Variants in IMMP2L observed in about 807,000 individuals in gnomAD.
The protein encoded by IMMP2L is inner mitochondrial membrane peptidase subunit 2, also known as mitochondrial inner membrane protease subunit 2.
In IMMP2L, 18 loss-of-function variants were observed where a neutral mutation model predicts 19.3. That is an observed-to-expected ratio of 0.93 (90% CI 0.64 to 1.38). IMMP2L has a LOEUF of 1.38. IMMP2L is among the 40% of genes most tolerant of loss of function. IMMP2L has a pLI of 0.00. For missense variants in IMMP2L, 233 were observed against 218.2 expected (o/e 1.07, Z -0.43); for synonymous variants, 76 against 73.0 (o/e 1.04, Z -0.21).
chr7:111,389,951 C>T (rs1832172947), intron 3 of IMMP2L, among the ~76,000 whole-genome samples: 1 of 152,104 alleles, frequency 6.6e-6, no homozygotes, highest in Non-Finnish European at 1.5e-5. Context: ...TTAATTCTCA[C>T]AGAATACTTG....
chr7:111,419,575 T>C (rs890666051), intron 3 of IMMP2L, among the ~76,000 whole-genome samples: 1 of 151,814 alleles, frequency 6.6e-6, no homozygotes, highest in Non-Finnish European at 1.5e-5. Flanking sequence ...TTGTCTCTTA[T>C]CTACCTATGA....
chr7:110,864,153 A>C (rs540972165), intron 5 of IMMP2L, among the ~76,000 whole-genome samples: 1 of 152,268 alleles, frequency 6.6e-6, no homozygotes, highest in Admixed American at 6.5e-5. Context: ...AAAAGTTTCT[A>C]ATGTCTTGCA....
intron 3 of IMMP2L, among the ~76,000 whole-genome samples, chr7:111,111,599 A>C (rs966950549): frequency 2.6e-5 from 4 of 152,100 alleles, no homozygotes; most frequent in African/African-American, 7.2e-5. Context: ...TTATAAACAC[A>C]TTAAAGTAGA....
intron 1 of IMMP2L, among the ~76,000 whole-genome samples, chr7:111,539,896 G>A (rs947607596): frequency 6.6e-6 from 1 of 152,104 alleles, no homozygotes; most frequent in Non-Finnish European, 1.5e-5. Flanking sequence ...TATCCAGGTA[G>A]AGGGAAAACA....
chr7:110,814,668 T>C (rs1234353899), intron 5 of IMMP2L, among the ~76,000 whole-genome samples: 1 of 149,158 alleles, frequency 6.7e-6, no homozygotes, highest in Non-Finnish European at 1.5e-5. Context: ...AGAGTAGAAT[T>C]CTTTTTCAAC....
In IMMP2L at chr7:111,080,085, G is replaced by C. The variant is rs113951426; in HGVS notation, c.240-116520C>G. On this transcript the variant is annotated intron_variant, in intron 3 of 5. Coordinates refer to ENST00000405709, the MANE Select transcript of IMMP2L (RefSeq NM_032549.4). ...GTATTCTGTTACAGCAACAGAAAAT[G>C]GACTAAGACACAATTCCTTTGTTCT... 1.8e-3 allele frequency among the ~76,000 whole-genome samples: 275 copies of C among 152,090 alleles called. 2 individuals carry two copies. The highest frequency in any genetic ancestry group is 6.3e-3 in the African/African-American group (262 of 41,530).
At chr7:111,469,830 T>C (rs1337621523) in intron 3 of IMMP2L, among the ~76,000 whole-genome samples, 1 of 152,046 alleles carries the variant, frequency 6.6e-6, no homozygotes, top group East Asian at 1.9e-4. Flanking sequence ...ACTTCATGTC[T>C]AAAACACCAA....
At chr7:111,241,890 A>C (rs918799017) in intron 3 of IMMP2L, among the ~76,000 whole-genome samples, 1 of 152,120 alleles carries the variant, frequency 6.6e-6, no homozygotes, top group Admixed American at 6.6e-5. Context: ...AGATATTTGC[A>C]GGTATTGCTA....
chr7:111,211,488 T>G (rs2099672558), intron 3 of IMMP2L, among the ~76,000 whole-genome samples: 1 of 152,146 alleles, frequency 6.6e-6, no homozygotes, highest in South Asian at 2.1e-4. Context: ...AAAACATTGT[T>G]GAATATCAAA....
intron 2 of IMMP2L, among the ~76,000 whole-genome samples, chr7:111,496,646 A>G (rs1247522091): frequency 6.6e-6 from 1 of 152,126 alleles, no homozygotes; most frequent in African/African-American, 2.4e-5. Flanking sequence ...TTCTCTTTCC[A>G]TTGCAAATCT....
At chr7:111,264,535 C>A (rs556815937) in intron 3 of IMMP2L, among the ~76,000 whole-genome samples, 4 of 151,732 alleles carry the variant, frequency 2.6e-5, no homozygotes, top group Non-Finnish European at 5.9e-5. Context: ...TTTCGCCCAA[C>A]AGGAATCAAA....
intron 3 of IMMP2L, among the ~76,000 whole-genome samples, chr7:111,450,873 A>G (rs1016991046): frequency 6.6e-6 from 1 of 150,952 alleles, no homozygotes; most frequent in African/African-American, 2.4e-5. Flanking sequence ...GAAAAAAACA[A>G]ACAACCCCAT....
In IMMP2L at chr7:111,024,232, T is replaced by C. The variant is rs139300500; in HGVS notation, c.240-60667A>G. Among the ~76,000 whole-genome samples, 351 of 152,346 alleles carry C rather than the reference T, an allele frequency of 2.3e-3. 1 individual carries two copies. Among genetic ancestry groups the C allele is most frequent in the Admixed American group, 5.5e-3 (84 of 15,302 alleles). On this transcript the variant is annotated intron_variant, in intron 3 of 5. Transcript: ENST00000405709. ...TATAATATGAAATAAATAGCATATA[T>C]TTAAAGTGTACAACTGGATAAGTTT...
intron 3 of IMMP2L, among the ~76,000 whole-genome samples, chr7:111,461,894 A>T (rs1840167475): frequency 6.6e-6 from 1 of 152,014 alleles, no homozygotes; most frequent in Non-Finnish European, 1.5e-5. Flanking sequence ...TCATGGAAAA[A>T]AATAATTTGC....
chr7:110,957,664 C>T (rs7805064), intron 4 of IMMP2L, among the ~76,000 whole-genome samples: 1,533 of 152,078 alleles, frequency 0.01, 26 homozygotes, highest in African/African-American at 0.035. Flanking sequence ...ACCATGCTGG[C>T]TTCTTGTACT....
chr7:111,501,400 C>T (rs1231537719), intron 2 of IMMP2L, among the ~76,000 whole-genome samples: 1 of 152,150 alleles, frequency 6.6e-6, no homozygotes, highest in African/African-American at 2.4e-5. Context: ...AAACACTCTG[C>T]AGGATATTAT....
chr7:110,860,225 ATTTAAT>A (rs1399191722), intron 5 of IMMP2L, among the ~76,000 whole-genome samples: 1 of 152,114 alleles, frequency 6.6e-6, no homozygotes, highest in Non-Finnish European at 1.5e-5. Context: ...ATAATTAAAA[ATTTAAT>A]TTTAACTTAT....
At chr7:111,469,231 G>T (rs562413821) in intron 3 of IMMP2L, among the ~76,000 whole-genome samples, 1 of 152,070 alleles carries the variant, frequency 6.6e-6, no homozygotes, top group Non-Finnish European at 1.5e-5. Flanking sequence ...TTGACTTGGC[G>T]ATGCGGGCTC....
intron 2 of IMMP2L, among the ~76,000 whole-genome samples, chr7:111,512,652 A>G (rs1037617139): frequency 1.6e-4 from 24 of 152,224 alleles, no homozygotes; most frequent in Admixed American, 2.0e-4. Context: ...GAATAGCCAA[A>G]CAATCTTAAG....
Sources: allele counts gnomAD v4.1 joint callset (sites outside exome capture counted in the v4.1 genomes callset), GRCh38; gene constraint gnomAD v4.1.1; transcripts MANE v1.5; gene names NCBI Gene and HGNC (gene_info 2026-07-23, HGNC 2026-07-21).